The following DPP10 variants were observed in gnomAD, a reference collection of about 807,000 sequenced individuals.
DPP10 encodes the protein dipeptidyl peptidase like 10.
DPP10 carries 33 observed loss-of-function variants against 120.9 expected under a neutral mutation model. That is an observed-to-expected ratio of 0.27 (90% CI 0.21 to 0.37). DPP10 has a LOEUF of 0.37. DPP10 is among the 10% of genes least tolerant of loss of function. The pLI is 1.00. For synonymous variants in DPP10, 337 were observed against 326.1 expected (o/e 1.03, Z -0.36); for missense variants, 816 against 942.8 (o/e 0.87, Z 1.76).
chr2:114,568,048 G>T (rs1159427857), intron 1 of DPP10, among the ~76,000 whole-genome samples: 2 of 65,738 alleles, frequency 3.0e-5, no homozygotes, highest in Non-Finnish European at 6.0e-5. Flanking sequence ...GAGAGATACT[G>T]TAAAAAAAAA....
rs75156295 is a variant in DPP10, at chr2:115,409,365, A to G, written c.271+65453A>G. Among the ~76,000 whole-genome samples, 1,265 of 152,330 alleles carry G rather than the reference A, an allele frequency of 8.3e-3. 17 individuals are homozygous for G. The highest frequency in any genetic ancestry group is 0.029 in the African/African-American group (1,223 of 41,570). On this transcript the variant is annotated intron_variant, in intron 3 of 25. Transcript: ENST00000410059. ...AAAATTTTTGAAGTCACTTTACTAA[A>G]GATCACATATGAACAGCATATACAA... is the stretch of plus-strand genomic sequence containing the variant.
intron 1 of DPP10, among the ~76,000 whole-genome samples, chr2:114,537,161 T>C (rs1454079326): frequency 6.6e-6 from 1 of 152,158 alleles, no homozygotes; most frequent in Non-Finnish European, 1.5e-5. Flanking sequence ...TTACAGAACA[T>C]GGTCTCCAAT....
At chr2:114,791,072 A>C (rs988409756) in intron 1 of DPP10, among the ~76,000 whole-genome samples, 3 of 152,244 alleles carry the variant, frequency 2.0e-5, no homozygotes, top group South Asian at 4.1e-4. Context: ...CTATTCTGGT[A>C]TAAAATATAG....
intron 1 of DPP10, among the ~76,000 whole-genome samples, chr2:114,935,542 A>G (rs1197203764): frequency 6.6e-6 from 1 of 152,150 alleles, no homozygotes; most frequent in Non-Finnish European, 1.5e-5. Flanking sequence ...TTGTGTTTCC[A>G]TGGTAGTGTC....
chr2:115,589,904 T>A (rs1356025931), intron 5 of DPP10, among the ~76,000 whole-genome samples: 1 of 152,148 alleles, frequency 6.6e-6, no homozygotes, highest in Non-Finnish European at 1.5e-5. Context: ...GTATCTATAC[T>A]TTCAGATACA....
chr2:114,751,347 C>T (rs749900181), intron 1 of DPP10, among the ~76,000 whole-genome samples: 4 of 152,198 alleles, frequency 2.6e-5, no homozygotes, highest in Non-Finnish European at 5.9e-5. Flanking sequence ...GACCTTTTTA[C>T]AATTTCTCCA....
At chr2:114,766,294 C>A (rs562683364) in intron 1 of DPP10, among the ~76,000 whole-genome samples, 20 of 152,002 alleles carry the variant, frequency 1.3e-4, no homozygotes, top group Admixed American at 1.3e-3. Context: ...TAATACCAAA[C>A]GTTTTGCAAG....
chr2:114,991,078 G>A (rs1700728294), intron 1 of DPP10, among the ~76,000 whole-genome samples: 1 of 152,030 alleles, frequency 6.6e-6, no homozygotes, highest in African/African-American at 2.4e-5. Flanking sequence ...CAGAAAATAA[G>A]ACCAAACCAT....
At chr2:114,837,253 G>C (rs928185218) in intron 1 of DPP10, among the ~76,000 whole-genome samples, 2 of 152,154 alleles carry the variant, frequency 1.3e-5, no homozygotes, top group Non-Finnish European at 2.9e-5. Flanking sequence ...AATTATAAAA[G>C]TATTAATTTG....
intron 1 of DPP10, among the ~76,000 whole-genome samples, chr2:114,644,493 C>T (rs886961969): frequency 1.3e-5 from 2 of 151,788 alleles, no homozygotes; most frequent in African/African-American, 4.9e-5. Flanking sequence ...ATTTTACTCC[C>T]TATGTCATCC....
chr2:115,267,698 C>T (rs1420993384), intron 1 of DPP10, among the ~76,000 whole-genome samples: 1 of 152,088 alleles, frequency 6.6e-6, no homozygotes, highest in African/African-American at 2.4e-5. Context: ...TGTAGCCCCA[C>T]ATGCTTATTC....
chr2:115,343,787 G>A (rs1284347883), intron 2 of DPP10, 30 bp from the exon 3 acceptor site: 5 of 1,495,000 alleles, frequency 3.3e-6, no homozygotes, highest in Non-Finnish European at 4.6e-6. Context: ...CATAAGATAG[G>A]CATCTAACCT....
chr2:115,574,458 C>G (rs1172694292), intron 5 of DPP10, among the ~76,000 whole-genome samples: 1 of 152,188 alleles, frequency 6.6e-6, no homozygotes, highest in Non-Finnish European at 1.5e-5. Context: ...CTTCCTGCCT[C>G]TGATTCAGTT....
At chr2:114,539,630 C>A (rs929926465) in intron 1 of DPP10, among the ~76,000 whole-genome samples, 1 of 152,194 alleles carries the variant, frequency 6.6e-6, no homozygotes, top group Non-Finnish European at 1.5e-5. Flanking sequence ...TCATCTCTGA[C>A]CTGCTCTACG....
chr2:115,678,495 G>C (rs2090434543), intron 5 of DPP10, among the ~76,000 whole-genome samples: 1 of 152,194 alleles, frequency 6.6e-6, no homozygotes, highest in Non-Finnish European at 1.5e-5. Context: ...TTGAGGTTTG[G>C]GAACCTCTGC....
At chr2:115,649,661 C>T (rs2087575554) in intron 5 of DPP10, among the ~76,000 whole-genome samples, 1 of 152,028 alleles carries the variant, frequency 6.6e-6, no homozygotes, top group South Asian at 2.1e-4. Context: ...ATATTGCATT[C>T]TATTACCAAG....
intron 1 of DPP10, among the ~76,000 whole-genome samples, chr2:114,719,240 G>T (rs1701549735): frequency 6.6e-6 from 1 of 152,142 alleles, no homozygotes; most frequent in Non-Finnish European, 1.5e-5. Flanking sequence ...GTACAAGATT[G>T]TTAAATCTAG....
At chr2:114,466,159 TA>T (rs1679352739) in intron 1 of DPP10, among the ~76,000 whole-genome samples, 1 of 152,340 alleles carries the variant, frequency 6.6e-6, no homozygotes, top group East Asian at 1.9e-4. Flanking sequence ...CCTGTCATAC[TA>T]AAACTTGTTT....
intron 1 of DPP10, among the ~76,000 whole-genome samples, chr2:114,518,127 G>A (rs952392173): frequency 1.5e-5 from 2 of 131,024 alleles, no homozygotes; most frequent in Non-Finnish European, 3.1e-5. Flanking sequence ...CACCCAGGCT[G>A]GAATGCAGTG....
Sources: gnomAD v4.1 joint callset for allele counts (sites outside exome capture counted in the v4.1 genomes callset) on GRCh38, gnomAD v4.1.1 for gene constraint, MANE v1.5 for transcripts, NCBI Gene and HGNC (gene_info 2026-07-23, HGNC 2026-07-21) for gene names.